NELL2: variants seen among roughly 807,000 people sequenced by gnomAD.
NELL2 encodes the protein neural EGFL like 2.
Under a neutral mutation model 109.6 loss-of-function variants are expected in NELL2, and 41 were observed. That is an observed-to-expected ratio of 0.37 (90% CI 0.29 to 0.49). The LOEUF is 0.49. Ranked by LOEUF, NELL2 falls within the 20% of genes least tolerant of loss-of-function variation. The pLI, the probability that NELL2 is intolerant of heterozygous loss-of-function variation, is 0.98. For missense variants in NELL2, 900 were observed against 1,008.3 expected (o/e 0.89, Z 1.45); for synonymous variants, 355 against 344.7 (o/e 1.03, Z -0.33).
upstream of NELL2, among the ~76,000 whole-genome samples, chr12:44,916,160 G>A (rs567441021): frequency 2.8e-4 from 43 of 152,292 alleles, no homozygotes; most frequent in South Asian, 8.3e-3. Flanking sequence ...TGACACAGCA[G>A]ATAATAGGCA....
intron 16 of NELL2, among the ~76,000 whole-genome samples, chr12:44,529,856 G>A (rs1941961921): frequency 6.6e-6 from 1 of 152,170 alleles, no homozygotes; most frequent in African/African-American, 2.4e-5. Context: ...TATTTTCAAG[G>A]AATTTTGTTC....
chr12:44,668,775 C>T (rs1047435159), intron 12 of NELL2, among the ~76,000 whole-genome samples: 1 of 152,142 alleles, frequency 6.6e-6, no homozygotes, highest in African/African-American at 2.4e-5. Context: ...ACTGCCACCA[C>T]CGTTAGTACC....
intron 13 of NELL2, among the ~76,000 whole-genome samples, chr12:44,664,657 G>A (rs1161014544): frequency 6.6e-6 from 1 of 152,006 alleles, no homozygotes; most frequent in Non-Finnish European, 1.5e-5. Context: ...TAGAGAAATA[G>A]GTGACAAGAA....
intron 9 of NELL2, among the ~76,000 whole-genome samples, chr12:44,724,262 G>A (rs1406171512): frequency 1.3e-5 from 2 of 150,712 alleles, no homozygotes; most frequent in East Asian, 3.9e-4. Flanking sequence ...AAGGGAGCAG[G>A]GTGTGGGCTA....
chr12:44,607,164 C>T lies in NELL2; in HGVS notation c.1663+5G>A. 6.2e-7 allele frequency: 1 copy of T among 1,608,946 alleles called. No homozygotes were observed. The highest frequency in any genetic ancestry group is 8.5e-7 in the Non-Finnish European group (1 of 1,177,132). Reference sequence around the variant, plus strand: ...ATTTTCTAGAAGATGAAATGATATTCTTACCCGTTTCACAGCTGGGTCCAG... The same window carrying T: ...ATTTTCTAGAAGATGAAATGATATTTTTACCCGTTTCACAGCTGGGTCCAG... On this transcript the variant is annotated splice_donor_5th_base_variant and intron_variant, in intron 15 of 19. Transcript: ENST00000429094.
intron 12 of NELL2, among the ~76,000 whole-genome samples, chr12:44,691,996 A>G (rs1948913096): frequency 2.6e-5 from 4 of 152,186 alleles, no homozygotes; most frequent in Non-Finnish European, 5.9e-5. Flanking sequence ...TCCAGCTAAG[A>G]CCATTGGCCA....
intron 12 of NELL2, among the ~76,000 whole-genome samples, chr12:44,686,931 G>T (rs1175554798): frequency 6.6e-6 from 1 of 152,204 alleles, no homozygotes; most frequent in Non-Finnish European, 1.5e-5. Flanking sequence ...CTTGAGCTGT[G>T]GTGGGCTCCA....
chr12:44,913,722 C>A, intron 1 of NELL2: 1 of 548,526 alleles, frequency 1.8e-6, no homozygotes, highest in Non-Finnish European at 3.2e-6. Flanking sequence ...AAATTCAGGT[C>A]ACTATACCCT....
In NELL2 at chr12:44,815,323, G is replaced by C. The variant is rs1592588261; in HGVS notation, c.335+663C>G. Among the ~76,000 whole-genome samples the C allele has an allele frequency of 4.6e-5, 7 of 152,290 alleles. No individual in the cohort carries two copies. In the South Asian group the frequency reaches 1.4e-3, roughly 32 times the overall value. ...TGCCAACTATGAGGTAAAAAAGGAA[G>C]TTGTCTGTCAATGATTACAATTATA... On this transcript the variant is annotated intron_variant, in intron 3 of 19. Transcript: ENST00000429094.
intron 13 of NELL2, among the ~76,000 whole-genome samples, chr12:44,635,082 T>G (rs1446102242): frequency 1.3e-5 from 2 of 152,200 alleles, no homozygotes; most frequent in African/African-American, 4.8e-5. Context: ...AATGTCTTCT[T>G]TTGAGAAGTG....
chr12:44,896,736 G>A (rs1487153005), intron 1 of NELL2, among the ~76,000 whole-genome samples: 2 of 152,186 alleles, frequency 1.3e-5, no homozygotes, highest in African/African-American at 4.8e-5. Flanking sequence ...CCTCCTCTGT[G>A]AAATACATTT....
At chr12:44,714,439 C>A (rs1349085409) in intron 10 of NELL2, among the ~76,000 whole-genome samples, 1 of 151,960 alleles carries the variant, frequency 6.6e-6, no homozygotes, top group Admixed American at 6.6e-5. Flanking sequence ...GACAAAATAG[C>A]ATTTTCATTT....
chr12:44,916,930 C>CCTTTCA (rs1945833239), upstream of NELL2, among the ~76,000 whole-genome samples: 1 of 152,144 alleles, frequency 6.6e-6, no homozygotes, highest in Non-Finnish European at 1.5e-5. Flanking sequence ...TGGTCCATTT[C>CCTTTCA]ACCTTCAAAT....
intron 2 of NELL2, among the ~76,000 whole-genome samples, chr12:44,873,792 T>C (rs1361099055): frequency 6.6e-6 from 1 of 151,766 alleles, no homozygotes; most frequent in Non-Finnish European, 1.5e-5. Flanking sequence ...TCTATTCAAC[T>C]GTGTGAAATT....
intron 3 of NELL2, among the ~76,000 whole-genome samples, chr12:44,788,438 T>TA (rs1207856389): frequency 7.2e-5 from 11 of 152,098 alleles, no homozygotes; most frequent in Admixed American, 7.2e-4. Context: ...TTTCCAAACT[T>TA]ACCTAGAGCT....
Position 44,714,664 on chromosome 12 carries a change from G to A in NELL2, c.1072C>T (p.Leu358Phe). 8 of 1,593,824 alleles carry A rather than the reference G, an allele frequency of 5.0e-6. No individual in the cohort carries two copies. The highest frequency in any genetic ancestry group is 6.0e-6 in the Non-Finnish European group (7 of 1,171,952). Residue 358 changes from leucine to phenylalanine, a missense_variant, in exon 10 of 20, where the codon CTC (leucine) becomes TTC (phenylalanine). Transcript: ENST00000429094. Reference sequence around the variant, plus strand: ...AGTCTTCTTACCTTGCACTCATAGAGAACACATACTCCAGAAGAGGAATAG... The same window carrying A: ...AGTCTTCTTACCTTGCACTCATAGAAAACACATACTCCAGAAGAGGAATAG... ...TVYSSSGVCV[L>F]YECKDQTMKL...
In NELL2 at chr12:44,658,609, C is replaced by T. The variant is rs371014622; in HGVS notation, c.1444+6875G>A. On this transcript the variant is annotated intron_variant, in intron 13 of 19. Transcript: ENST00000429094. Reference sequence around the variant, plus strand: ...AAACTAGTTTAAATTTCATATGGAACCAAAAAAGAGCCCACATAACCAAGA... The same window carrying T: ...AAACTAGTTTAAATTTCATATGGAATCAAAAAAGAGCCCACATAACCAAGA... 2.2e-4 allele frequency among the ~76,000 whole-genome samples: 33 copies of T among 151,910 alleles called. No individual in the cohort carries two copies. The East Asian group carries it at 4.4e-3, about 20-fold the overall frequency.
At position 44,869,605 on chromosome 12, in the gene NELL2, G is replaced by C; in HGVS notation, c.184+5620C>G. 1.3e-5 allele frequency among the ~76,000 whole-genome samples: 2 copies of C among 152,030 alleles called. 1 individual carries two copies. The highest frequency in any genetic ancestry group is 2.9e-5 in the Non-Finnish European group (2 of 67,990). On this transcript the variant is annotated intron_variant, in intron 2 of 19. Transcript: ENST00000429094. Reference sequence around the variant, plus strand: ...GGGATTCACTCCATTAAACAAAAAAGGCTCCTCCATAGATATTTCTTGGAT... The same window carrying C: ...GGGATTCACTCCATTAAACAAAAAACGCTCCTCCATAGATATTTCTTGGAT...
chr12:44,845,866 A>G (rs1944353927), intron 2 of NELL2, among the ~76,000 whole-genome samples: 1 of 152,202 alleles, frequency 6.6e-6, no homozygotes, highest in Non-Finnish European at 1.5e-5. Context: ...CTCCACTTCC[A>G]GGGAAAGTCT....
Sources: gnomAD v4.1 joint callset for allele counts (sites outside exome capture counted in the v4.1 genomes callset) on GRCh38, gnomAD v4.1.1 for gene constraint, MANE v1.5 for transcripts, NCBI Gene and HGNC (gene_info 2026-07-23, HGNC 2026-07-21) for gene names.